Variants in AKTIP observed in about 807,000 individuals in gnomAD.
AKTIP encodes the protein AKT interacting protein, also known as AKT-interacting protein.
AKTIP carries 16 observed loss-of-function variants against 39.1 expected under a neutral mutation model. The ratio of observed to expected loss-of-function variants is 0.41; its 90% confidence interval spans 0.28 to 0.62. AKTIP has a LOEUF of 0.62. AKTIP is among the 20% of genes least tolerant of loss of function. AKTIP has a pLI of 0.32. For synonymous variants in AKTIP, 93 were observed against 124.3 expected, an observed-to-expected ratio of 0.75 and a Z score of 1.67; for missense variants, 262 against 356.6, an observed-to-expected ratio of 0.73 and a Z score of 2.14.
intron 3 of AKTIP, among the ~76,000 whole-genome samples, chr16:53,496,164 T>C (rs1295207948): frequency 2.0e-5 from 3 of 152,224 alleles, no homozygotes; most frequent in Non-Finnish European, 1.5e-5. Context: ...TATTACCTAC[T>C]TTCCATTCAC....
At chr16:53,500,434 G>A in intron 1 of AKTIP, 105 bp from the exon 2 acceptor site, 1 of 627,100 alleles carries the variant, frequency 1.6e-6, no homozygotes, top group Non-Finnish European at 2.5e-6. Flanking sequence ...CTGGAGTGCA[G>A]TGGTGTGATC....
At chr16:53,495,039 C>A (rs1203774082) in intron 5 of AKTIP, 34 bp downstream of exon 5, 2 of 1,580,042 alleles carry the variant, frequency 1.3e-6, no homozygotes, top group Admixed American at 1.7e-5. Flanking sequence ...TCTCGCTGAT[C>A]CACAAATAAA....
rs752514939 is a variant in AKTIP, at chr16:53,494,578, G to C, written c.442C>G (p.His148Asp). 6.2e-7 allele frequency: 1 copy of C among 1,614,030 alleles called. No homozygotes were observed. The highest frequency in any genetic ancestry group is 1.3e-5 in the African/African-American group (1 of 74,918). The change falls in exon 6 of 10, where the codon CAC (histidine) becomes GAC (aspartate). Residue 148 changes from histidine to aspartate, a missense_variant. His to Asp is a moderately conservative substitution (Grantham distance 81). Transcript: ENST00000394657. ...PRLVFDIPVF[H>D]PLVDPTSGEL... ...CCTGAGGTGGGATCAACTAGCGGGTGAAAGACAGGAATATCGAACACCAAG... is the reference window on the plus strand; with the variant it reads ...CCTGAGGTGGGATCAACTAGCGGGTCAAAGACAGGAATATCGAACACCAAG...
chr16:53,497,510 GTTCC>G (rs1961911590), intron 3 of AKTIP, among the ~76,000 whole-genome samples: 2 of 152,290 alleles, frequency 1.3e-5, no homozygotes, highest in Admixed American at 1.3e-4. Flanking sequence ...AACTTCTCCA[GTTCC>G]TTCAACTGTG....
In AKTIP at chr16:53,495,331, A is replaced by G; in HGVS notation, c.249-5T>C. On this transcript the variant is annotated splice_polypyrimidine_tract_variant and splice_region_variant and intron_variant, in intron 3 of 9. Transcript: ENST00000394657. ...TTCTGCTTCACAACCAAGGTACTAC[A>G]ACAAAAGCAGAATAATTAACTTGTG... The G allele has an allele frequency of 1.2e-6, 2 of 1,614,126 alleles. No individual in the cohort carries two copies. The highest frequency in any genetic ancestry group is 1.7e-6 in the Non-Finnish European group (2 of 1,179,966).
At position 53,495,105 on chromosome 16, in the gene AKTIP, T is replaced by C. The variant is rs1961748835; in HGVS notation, c.382A>G (p.Ile128Val). The change falls in exon 5 of 10, where the codon ATC (isoleucine) becomes GTC (valine). Residue 128 changes from isoleucine to valine, a missense_variant. Around this residue, in one of 4 missense-constraint regions of AKTIP, gnomAD observed 4 missense variants for 26.7 expected, o/e 0.15. Coordinates refer to ENST00000394657, the MANE Select transcript of AKTIP (RefSeq NM_022476.4). ...TCACCATCTGGATAGTTATCAGGGA[T>C]GTAAACTGTAAACTTAAATACGCCA... Reference protein sequence around the residue: ...QDGVFKFTVYIPDNYPDGDCP... With the variant: ...QDGVFKFTVYVPDNYPDGDCP... 1 of 1,614,142 alleles carries C rather than the reference T, an allele frequency of 6.2e-7. No individual in the cohort carries two copies. Among genetic ancestry groups the C allele is most frequent in the East Asian group, 2.2e-5 (1 of 44,890 alleles).
rs59851124 is a variant in AKTIP at position 53,499,931 on chromosome 16, T to C, written c.42+287A>G. On this transcript the variant is annotated intron_variant, in intron 2 of 9. Transcript: ENST00000394657. ...CTAACCGTAGAACCTTGAAGTTTAG[T>C]AGAAAACTACAATGTTACAAATTTC... Among the ~76,000 whole-genome samples the C allele has an allele frequency of 2.6e-3, 403 of 152,328 alleles. 1 individual carries two copies. The highest frequency in any genetic ancestry group is 9.3e-3 in the African/African-American group (386 of 41,570).
At chr16:53,500,125 G>T in intron 2 of AKTIP, 93 bp downstream of exon 2, 2 of 933,382 alleles carry the variant, frequency 2.1e-6, no homozygotes, top group South Asian at 1.5e-5. Flanking sequence ...GATTACAGGT[G>T]ACCGTGACAG....
upstream of AKTIP, among the ~76,000 whole-genome samples, chr16:53,504,161 T>C (rs1272707592): frequency 1.3e-5 from 2 of 150,712 alleles, no homozygotes; most frequent in Non-Finnish European, 3.0e-5. Context: ...TGGAGGTCTC[T>C]CTCTGGCCTA....
At position 53,495,273 on chromosome 16, in the gene AKTIP, C is replaced by T. The variant is rs753984711; in HGVS notation, c.302G>A (p.Arg101His). 1.1e-5 allele frequency: 17 copies of T among 1,614,138 alleles called. No individual in the cohort carries two copies. Among genetic ancestry groups the T allele is most frequent in the African/African-American group, 2.7e-5 (2 of 75,030 alleles). Residue 101 changes from arginine to histidine, a missense_variant, in exon 4 of 10, where the codon CGC becomes CAC. Physicochemically the swap from Arg to His is conservative, Grantham distance 29. Around this residue, in one of 4 missense-constraint regions of AKTIP, gnomAD observed 88 missense variants for 132.1 expected, o/e 0.67. Transcript: ENST00000394657. Reference protein sequence around the residue: ...LPGVYVQPSYRSALMWFGVIF... With the variant: ...LPGVYVQPSYHSALMWFGVIF... ...AATCCTCATCTTACTTAATGCAGAG[C>T]GATAAGATGGCTGCACATAGACGCC...
Position 53,494,424 on chromosome 16 carries a change from G to T in AKTIP, c.517C>A (p.His173Asn). Residue 173 changes from histidine to asparagine, a missense_variant, in exon 7 of 10, where the codon CAT becomes AAT. Coordinates refer to ENST00000394657, the MANE Select transcript of AKTIP (RefSeq NM_022476.4). Reference sequence around the variant, plus strand: ...GCATACATTAATACCTGCCAAATATGATTATGGTTCCGCCTAAAGGGAAAC... The same window carrying T: ...GCATACATTAATACCTGCCAAATATTATTATGGTTCCGCCTAAAGGGAAAC... Reference protein sequence around the residue: ...AFAKWRRNHNHIWQVLMYARR... With the variant: ...AFAKWRRNHNNIWQVLMYARR... 6.2e-7 allele frequency: 1 copy of T among 1,614,144 alleles called. No homozygotes were observed. The highest frequency in any genetic ancestry group is 2.2e-5 in the East Asian group (1 of 44,886).
Position 53,494,130 on chromosome 16 carries a change from C to T in AKTIP, c.710+8G>A. 1 of 1,602,910 alleles carries T rather than the reference C, an allele frequency of 6.2e-7. No individual in the cohort carries two copies. ...GTGGACAGTTCACTTGGGGGATGCA[C>T]CACTTACCTAATTGCATAGGGGTCT... On this transcript the variant is annotated splice_region_variant and intron_variant, in intron 8 of 9. Transcript: ENST00000394657.
chr16:53,495,234 A>G, intron 4 of AKTIP, 28 bp downstream of exon 4: 1 of 1,614,024 alleles, frequency 6.2e-7, no homozygotes, highest in African/African-American at 1.3e-5. Context: ...AAATGTGCCC[A>G]TAAATTAAGA....
intron 3 of AKTIP, among the ~76,000 whole-genome samples, chr16:53,497,143 T>C (rs1181000547): frequency 6.6e-6 from 1 of 152,220 alleles, no homozygotes; most frequent in African/African-American, 2.4e-5. Context: ...TTTTAAATGA[T>C]GGAAATTAAG....
intron 8 of AKTIP, chr16:53,493,900 G>A (rs1961660590): frequency 4.0e-6 from 2 of 502,316 alleles, no homozygotes; most frequent in African/African-American, 1.9e-5. Flanking sequence ...AGGATCCCTG[G>A]GAAACCAAAG....
At chr16:53,496,859 T>TG (rs992816339) in intron 3 of AKTIP, among the ~76,000 whole-genome samples, 4 of 152,162 alleles carry the variant, frequency 2.6e-5, no homozygotes, top group Non-Finnish European at 5.9e-5. Context: ...GAAAAAAAGA[T>TG]GAGGTCTCAC....
chr16:53,495,575 A>G (rs1447320312), intron 3 of AKTIP, among the ~76,000 whole-genome samples: 1 of 152,210 alleles, frequency 6.6e-6, no homozygotes, highest in Non-Finnish European at 1.5e-5. Context: ...GGGGCCCCAC[A>G]GTAAGAACTA....
In AKTIP at chr16:53,492,596, A is replaced by C. The variant is rs16952274; in HGVS notation, c.772-77T>G. Reference sequence around the variant, plus strand: ...TCAGCACTGTACAAACTTGTTTCCCAAAAAAAGTTACTTGTATGTAATGAG... The same window carrying C: ...TCAGCACTGTACAAACTTGTTTCCCCAAAAAAGTTACTTGTATGTAATGAG... On this transcript the variant is annotated intron_variant, in intron 9 of 9. Coordinates refer to ENST00000394657, the MANE Select transcript of AKTIP (RefSeq NM_022476.4). 1,090 of 1,594,320 alleles carry C rather than the reference A, an allele frequency of 6.8e-4. 2 individuals carry two copies. The African/African-American group carries it at 0.011, about 16-fold the overall frequency.
chr16:53,503,304 T>C (rs1962307110), upstream of AKTIP: 2 of 128,464 alleles, frequency 1.6e-5, no homozygotes, highest in African/African-American at 5.7e-5. Flanking sequence ...CTCCGCCCCC[T>C]GCTGCACGAT....
Sources: gnomAD v4.1 joint callset for allele counts (sites outside exome capture counted in the v4.1 genomes callset) on GRCh38, gnomAD v4.1.1 for gene constraint, gnomAD v4.1.1 regional missense constraint, MANE v1.5 for transcripts, NCBI Gene and HGNC (gene_info 2026-07-23, HGNC 2026-07-21) for gene names.